Variants in SRCIN1 observed in about 807,000 individuals in gnomAD.
SRCIN1 encodes SRC kinase signaling inhibitor 1.
SRCIN1 carries 50 observed loss-of-function variants against 116.2 expected under a neutral mutation model. The observed-to-expected ratio is 0.43, with a 90% CI of 0.34 to 0.54. The LOEUF (loss-of-function observed/expected upper bound fraction) is 0.54. Ranked by LOEUF, SRCIN1 falls within the 20% of genes least tolerant of loss-of-function variation. SRCIN1 has a pLI of 0.02. For missense variants in SRCIN1, 1,446 were observed against 1,672.0 expected (o/e 0.86, Z 2.36); for synonymous variants, 736 against 750.0 (o/e 0.98, Z 0.30).
chr17:38,538,504 C>T (rs1904536643), intron 18 of SRCIN1, among the ~76,000 whole-genome samples: 1 of 151,842 alleles, frequency 6.6e-6, no homozygotes, highest in Admixed American at 6.6e-5. Context: ...GTCCTGATAT[C>T]CTCAAGCTGC....
intron 17 of SRCIN1, among the ~76,000 whole-genome samples, chr17:38,546,171 T>G (rs992374455): frequency 6.6e-6 from 1 of 152,236 alleles, no homozygotes; most frequent in African/African-American, 2.4e-5. Context: ...GGTCTAACTC[T>G]GAGCACCAGG....
At chr17:38,548,471 C>T (rs1452746396) in intron 17 of SRCIN1, 86 bp downstream of exon 17, 2 of 1,544,264 alleles carry the variant, frequency 1.3e-6, no homozygotes, top group Non-Finnish European at 8.8e-7. Context: ...CATCTTCTGC[C>T]TCATCCTGTC....
rs2040911559 is a variant in SRCIN1 at position 38,530,874 on chromosome 17, G to C, written c.*2423C>G. Reference sequence around the variant, plus strand: ...CACGCCTTCCCCCACACATGTGCTCGGCCATGCCTGTGGGTGCAGGCCCCA... The same window carrying C: ...CACGCCTTCCCCCACACATGTGCTCCGCCATGCCTGTGGGTGCAGGCCCCA... On this transcript the variant is annotated 3_prime_UTR_variant, in exon 19 of 19. Transcript: ENST00000617146. 1 of 152,276 alleles carries C rather than the reference G, an allele frequency of 6.6e-6. No individual in the cohort carries two copies. The highest frequency in any genetic ancestry group is 2.1e-4 in the South Asian group (1 of 4,834). 9.4% of individuals were successfully genotyped at this position (152,276 alleles called of 1,614,324 possible). A position where few individuals can be genotyped will look rare whatever the true frequency, so the allele number is the denominator to read the frequency against.
chr17:38,589,160 C>T (rs1027599995), intron 1 of SRCIN1, among the ~76,000 whole-genome samples: 1 of 152,254 alleles, frequency 6.6e-6, no homozygotes, highest in African/African-American at 2.4e-5. Context: ...AGGTGATCCA[C>T]CTGCCTCGGC....
chr17:38,567,157 G>A lies in SRCIN1; in HGVS notation c.345+1054C>T, dbSNP rs538019319. Among the ~76,000 whole-genome samples, 17 of 152,202 alleles carry A rather than the reference G, an allele frequency of 1.1e-4. No individual in the cohort carries two copies. In the East Asian group the frequency reaches 1.2e-3, roughly 10 times the overall value. ...TGGGCTCAAGCATTCCATATGCCTC[G>A]GCCTCCGAAAGTGCTGGGATTACAG... On this transcript the variant is annotated intron_variant, in intron 3 of 18. Coordinates refer to ENST00000617146, the MANE Select transcript of SRCIN1 (RefSeq NM_025248.3).
rs1040538329 is a variant in SRCIN1 at position 38,533,147 on chromosome 17, GT to G, written c.*149del. The G allele has an allele frequency of 4.2e-5, 32 of 758,348 alleles. 1 individual carries two copies. The Middle Eastern group carries it at 1.3e-3, about 31-fold the overall frequency. The allele number at this position is 758,348 out of a possible 1,614,324, so 47.0% of individuals were successfully genotyped here. On this transcript the variant is annotated 3_prime_UTR_variant, in exon 19 of 19. Transcript: ENST00000617146. ...AAACACCAACAGATGATGGGTAGGG[GT>G]CGCTGAGGAGGGCCGCACCCTCCTC...
chr17:38,536,314 T>C (rs1904377611), intron 18 of SRCIN1, among the ~76,000 whole-genome samples: 1 of 152,264 alleles, frequency 6.6e-6, no homozygotes, highest in African/African-American at 2.4e-5. Context: ...ACACAGCTGC[T>C]GTCTCTGAAG....
At chr17:38,587,756 G>A (rs1344700689) in intron 1 of SRCIN1, among the ~76,000 whole-genome samples, 1 of 152,150 alleles carries the variant, frequency 6.6e-6, no homozygotes, top group Non-Finnish European at 1.5e-5. Context: ...GAGAAAAGCT[G>A]GGGTCCATGG....
At chr17:38,554,083 C>T (rs2143122588) in intron 11 of SRCIN1, among the ~76,000 whole-genome samples, 1 of 152,046 alleles carries the variant, frequency 6.6e-6, no homozygotes, top group Non-Finnish European at 1.5e-5. Flanking sequence ...TGGTGGCGTG[C>T]GGCTGTAATC....
chr17:38,590,482 C>T (rs1393248423), intron 1 of SRCIN1, among the ~76,000 whole-genome samples: 2 of 152,200 alleles, frequency 1.3e-5, no homozygotes, highest in East Asian at 3.8e-4. Context: ...GTGATCTGCC[C>T]GCCTTGGCCT....
chr17:38,601,890 G>A (rs754298826), intron 1 of SRCIN1, among the ~76,000 whole-genome samples: 11 of 152,100 alleles, frequency 7.2e-5, no homozygotes, highest in African/African-American at 2.4e-4. Flanking sequence ...AGGGAGGAAG[G>A]GGGAGGCAGA....
chr17:38,543,429 C>T (rs1278958968), intron 18 of SRCIN1, among the ~76,000 whole-genome samples: 1 of 152,168 alleles, frequency 6.6e-6, no homozygotes. Context: ...CAGAGGGCCA[C>T]AAAATCCCCC....
At chr17:38,566,866 T>TTCCTTCCTTCCTTCCTTCCTTCC (rs1275435600) in intron 3 of SRCIN1, among the ~76,000 whole-genome samples, 2,543 of 131,822 alleles carry the variant, frequency 0.019, 60 homozygotes, top group East Asian at 0.022. Flanking sequence ...TTTTGTTTCG[T>TTCCTTCCTTCCTTCCTTCCTTCC]TTCCTTCCTT....
chr17:38,560,191 C>G, intron 8 of SRCIN1, 94 bp from the exon 9 acceptor site: 1 of 1,407,796 alleles, frequency 7.1e-7, no homozygotes, highest in East Asian at 2.5e-5. Context: ...CTCCAGCTCT[C>G]CGATCTCAGG....
At chr17:38,539,111 C>T (rs1567849325) in intron 18 of SRCIN1, among the ~76,000 whole-genome samples, 2 of 152,226 alleles carry the variant, frequency 1.3e-5, no homozygotes, top group African/African-American at 4.8e-5. Context: ...ATTCACTCAA[C>T]AAATATTTAC....
At chr17:38,594,922 T>C (rs1219250352) in intron 1 of SRCIN1, among the ~76,000 whole-genome samples, 1 of 152,156 alleles carries the variant, frequency 6.6e-6, no homozygotes. Context: ...CTAATGATGT[T>C]GCCCTTAGCC....
intron 1 of SRCIN1, among the ~76,000 whole-genome samples, chr17:38,583,550 T>TTTTTG (rs1482294275): frequency 0.033 from 3,515 of 107,304 alleles, 167 homozygotes; most frequent in African/African-American, 0.15. Context: ...CATTTTCTGT[T>TTTTTG]TTTTTTTTTT....
At chr17:38,535,026 G>A (rs933138355) in intron 18 of SRCIN1, among the ~76,000 whole-genome samples, 6 of 152,064 alleles carry the variant, frequency 3.9e-5, no homozygotes, top group African/African-American at 1.4e-4. Context: ...CAGCTTCTCT[G>A]GAGGCTGAGG....
Position 38,564,205 on chromosome 17 carries a change from G to A in SRCIN1, c.454C>T (p.Leu152=), listed in dbSNP as rs376966141. ...ESLETMSEAE[L]PLGFSRMNRF... Reference sequence around the variant, plus strand: ...TTCATCCTGCTGAAGCCCAGGGGCAGCTCGGCCTCCGACATGGTCTCCAGC... The same window carrying A: ...TTCATCCTGCTGAAGCCCAGGGGCAACTCGGCCTCCGACATGGTCTCCAGC... The change falls in exon 4 of 19, where the codon CTG becomes TTG. Residue 152 remains leucine, a synonymous_variant. Transcript: ENST00000617146. 1.3e-5 allele frequency: 21 copies of A among 1,587,032 alleles called. No individual in the cohort carries two copies. In the African/African-American group the frequency reaches 2.7e-4, roughly 20 times the overall value.
Sources: allele counts gnomAD v4.1 joint callset (sites outside exome capture counted in the v4.1 genomes callset), GRCh38; gene constraint gnomAD v4.1.1; transcripts MANE v1.5; gene names NCBI Gene and HGNC (gene_info 2026-07-23, HGNC 2026-07-21).